Variants in IGFBPL1 observed in about 807,000 individuals in gnomAD.
IGFBPL1 encodes insulin like growth factor binding protein like 1, also known as insulin-like growth factor-binding protein-like 1.
In IGFBPL1, 20 loss-of-function variants were observed where a neutral mutation model predicts 23.9. That is an observed-to-expected ratio of 0.84 (90% CI 0.59 to 1.22). The LOEUF is 1.22. Among genes scored for constraint, IGFBPL1 ranks in the 50% most tolerant of loss-of-function variants. IGFBPL1 has a pLI of 0.00. For synonymous variants in IGFBPL1, 184 were observed against 171.8 expected, an observed-to-expected ratio of 1.07 and a Z score of -0.56; for missense variants, 436 against 379.3, an observed-to-expected ratio of 1.15 and a Z score of -1.24.
chr9:38,424,434 C>T lies in IGFBPL1; in HGVS notation c.-10G>A, dbSNP rs1335363417. The T allele has an allele frequency of 3.6e-6, 2 of 550,474 alleles. No homozygotes were observed. The highest frequency in any genetic ancestry group is 2.0e-5 in the African/African-American group (1 of 49,932). 34.1% of individuals were successfully genotyped at this position (550,474 alleles called of 1,614,324 possible). A position where few individuals can be genotyped will look rare whatever the true frequency, so the allele number is the denominator to read the frequency against. ...GAGACAAGCGCGGCATGGCTTGCTC[C>T]GGGACAGCGGCGGCGCCTCTGCTTC... is the stretch of plus-strand genomic sequence containing the variant. On this transcript the variant is annotated 5_prime_UTR_variant, in exon 1 of 5. Coordinates refer to ENST00000377694, the MANE Select transcript of IGFBPL1 (RefSeq NM_001007563.3).
At chr9:38,417,768 T>C (rs537056426) in intron 1 of IGFBPL1, among the ~76,000 whole-genome samples, 60 of 152,306 alleles carry the variant, frequency 3.9e-4, no homozygotes, top group African/African-American at 1.3e-3. Flanking sequence ...AAATGCTGTC[T>C]ACCAGAGAAG....
chr9:38,412,991 T>A (rs963235771), intron 3 of IGFBPL1, among the ~76,000 whole-genome samples: 8 of 152,212 alleles, frequency 5.3e-5, no homozygotes, highest in African/African-American at 1.9e-4. Context: ...CACCTTGCCA[T>A]GTAACATCGT....
Position 38,408,633 on chromosome 9 carries a change from C to T in IGFBPL1, c.*594G>A, listed in dbSNP as rs893175264. Among the ~76,000 whole-genome samples, 8 of 152,118 alleles carry T rather than the reference C, an allele frequency of 5.3e-5. No individual in the cohort carries two copies. Among genetic ancestry groups the T allele is most frequent in the African/African-American group, 1.9e-4 (8 of 41,428 alleles). On this transcript the variant is annotated 3_prime_UTR_variant, in exon 5 of 5. Coordinates refer to ENST00000377694, the MANE Select transcript of IGFBPL1 (RefSeq NM_001007563.3). ...ATGGAATTTGTTTCTGAGGGAATAC[C>T]ATTTTAGAAAGAACACTAAGACCAC... is the stretch of plus-strand genomic sequence containing the variant.
Position 38,424,363 on chromosome 9 carries a change from G to A in IGFBPL1, c.62C>T (p.Pro21Leu). 1.3e-6 allele frequency: 1 copy of A among 757,074 alleles called. No individual in the cohort carries two copies. The highest frequency in any genetic ancestry group is 2.1e-6 in the Non-Finnish European group (1 of 477,810). 46.9% of individuals were successfully genotyped at this position (757,074 alleles called of 1,614,324 possible). Residue 21 changes from proline (P) to leucine (L), a missense_variant, in exon 1 of 5, where the codon CCG becomes CTG. By Grantham distance (98) the Pro-to-Leu change is moderately conservative. Coordinates refer to ENST00000377694, the MANE Select transcript of IGFBPL1 (RefSeq NM_001007563.3). ...LLLLLLPLLP[P>L]LSPSLGIRDV... Reference sequence around the variant, plus strand: ...GCGGATCCCAAGGCTCGGGGACAGCGGCGGCAGCAGCGGCAGCAGCAGCAG... The same window carrying A: ...GCGGATCCCAAGGCTCGGGGACAGCAGCGGCAGCAGCGGCAGCAGCAGCAG...
At position 38,407,476 on chromosome 9, in the gene IGFBPL1, A is replaced by G. The variant is rs1173423844; in HGVS notation, c.*1751T>C. Among the ~76,000 whole-genome samples the G allele has an allele frequency of 6.6e-6, 1 of 152,210 alleles. No individual in the cohort carries two copies. The highest frequency in any genetic ancestry group is 1.9e-4 in the East Asian group (1 of 5,192). ...TGCCATCCCAATATATTAGACATGG[A>G]ATGGCAGGCTTACAGGCGGAAAGTT... On this transcript the variant is annotated 3_prime_UTR_variant, in exon 5 of 5. Transcript: ENST00000377694.
intron 4 of IGFBPL1, 145 bp downstream of exon 4, chr9:38,411,246 C>A: frequency 1.5e-6 from 1 of 650,904 alleles, no homozygotes. Context: ...TACTGCTCAT[C>A]TAAGTATGTC....
intron 1 of IGFBPL1, among the ~76,000 whole-genome samples, chr9:38,416,046 C>T (rs1326661374): frequency 2.0e-5 from 3 of 152,130 alleles, no homozygotes; most frequent in Non-Finnish European, 4.4e-5. Context: ...CTGAGCTCTC[C>T]GGCAGGAGCC....
At position 38,408,985 on chromosome 9, in the gene IGFBPL1, A is replaced by G. The variant is rs557250082; in HGVS notation, c.*242T>C. ...TCTCCCTGGAAGAGAATAATTACAA[A>G]AAGACTTCTCATGGAACAATTCATT... On this transcript the variant is annotated 3_prime_UTR_variant, in exon 5 of 5. Coordinates refer to ENST00000377694, the MANE Select transcript of IGFBPL1 (RefSeq NM_001007563.3). 5 of 152,236 alleles carry G rather than the reference A, an allele frequency of 3.3e-5. No individual in the cohort carries two copies. The highest frequency in any genetic ancestry group is 7.3e-5 in the Non-Finnish European group (5 of 68,050). 9.4% of individuals were successfully genotyped at this position (152,236 alleles called of 1,614,324 possible).
chr9:38,408,253 C>CA lies in IGFBPL1; in HGVS notation c.*973dup, dbSNP rs35229194. 0.13 allele frequency among the ~76,000 whole-genome samples: 9,278 copies of CA among 69,476 alleles called. 1,640 individuals are homozygous for CA. Among genetic ancestry groups the CA allele is most frequent in the Non-Finnish European group, 0.17 (5,862 of 35,430 alleles). 45.6% of individuals were successfully genotyped at this position (69,476 alleles called of 152,430 possible). The stretch of plus-strand genomic sequence containing the variant: ...GCAACATAGGGAGACCCTGTCTCTA[C>CA]AAAAAAAAAAAAAAAAAAAAAAAAA... On this transcript the variant is annotated 3_prime_UTR_variant, in exon 5 of 5. Transcript: ENST00000377694.
chr9:38,419,885 C>T (rs1419321583), intron 1 of IGFBPL1, among the ~76,000 whole-genome samples: 52 of 130,816 alleles, frequency 4.0e-4, no homozygotes, highest in African/African-American at 1.4e-3. Context: ...TCCTCCTCCT[C>T]CTCCTCCTTC....
rs765226034 is a variant in IGFBPL1 at position 38,423,980 on chromosome 9, C to G, written c.445G>C (p.Gly149Arg). 7.1e-7 allele frequency: 1 copy of G among 1,404,624 alleles called. No homozygotes were observed. Among genetic ancestry groups the G allele is most frequent in the Non-Finnish European group, 9.2e-7 (1 of 1,088,684 alleles). The allele number at this position is 1,404,624 out of a possible 1,614,324, so 87.0% of individuals were successfully genotyped here. The change falls in exon 1 of 5, where the codon GGC becomes CGC. Residue 149 changes from glycine (G) to arginine (R), a missense_variant. Transcript: ENST00000377694. ...CCTGACTCACCGAACTCGCAAGGGC[C>G]GTCGCGCGCCTTGTGCAGGTGACCG... ...HPGHLHKARDGPCEFAPVVVV... is the reference protein window; with the variant it reads ...HPGHLHKARDRPCEFAPVVVV...
chr9:38,407,088 C>T lies in IGFBPL1; in HGVS notation c.*2139G>A, dbSNP rs1821439186. Among the ~76,000 whole-genome samples the T allele has an allele frequency of 6.6e-6, 1 of 151,904 alleles. No individual in the cohort carries two copies. Among genetic ancestry groups the T allele is most frequent in the Non-Finnish European group, 1.5e-5 (1 of 68,020 alleles). ...ATTCAAGACACAGGAGAATTAACTG[C>T]AGGCCTTCACACATGGAAGTCAGTC... On this transcript the variant is annotated 3_prime_UTR_variant, in exon 5 of 5. Coordinates refer to ENST00000377694, the MANE Select transcript of IGFBPL1 (RefSeq NM_001007563.3).
At chr9:38,417,275 C>T (rs1587415606) in intron 1 of IGFBPL1, among the ~76,000 whole-genome samples, 2 of 152,292 alleles carry the variant, frequency 1.3e-5, no homozygotes, top group East Asian at 1.9e-4. Context: ...TCTTCTGAAC[C>T]ACTGTGCTAA....
intron 1 of IGFBPL1, among the ~76,000 whole-genome samples, chr9:38,423,422 T>C (rs1451223683): frequency 2.6e-5 from 4 of 152,130 alleles, no homozygotes; most frequent in Admixed American, 2.6e-4. Context: ...TTCTCCTGGA[T>C]GGAGCTCCCT....
At chr9:38,414,027 TCTTTCTCA>T in intron 2 of IGFBPL1, 59 bp downstream of exon 2, 1 of 487,986 alleles carries the variant, frequency 2.0e-6, no homozygotes, top group Admixed American at 3.8e-5. Context: ...TGTTTCTCCC[TCTTTCTCA>T]CACACACACA....
chr9:38,423,917 G>A, intron 1 of IGFBPL1, 48 bp downstream of exon 1: 1 of 1,323,626 alleles, frequency 7.6e-7, no homozygotes, highest in South Asian at 2.0e-5. Flanking sequence ...ACCCCAGAGG[G>A]TTGGAATCCC....
At chr9:38,414,849 C>A (rs1008176446) in intron 1 of IGFBPL1, among the ~76,000 whole-genome samples, 2 of 152,136 alleles carry the variant, frequency 1.3e-5, no homozygotes, top group African/African-American at 4.8e-5. Flanking sequence ...CAGAACATGA[C>A]GGAGAGGAGA....
At chr9:38,411,137 T>C (rs1031658708) in intron 4 of IGFBPL1, among the ~76,000 whole-genome samples, 5 of 151,872 alleles carry the variant, frequency 3.3e-5, no homozygotes, top group Admixed American at 2.6e-4. Flanking sequence ...AAAACACAAC[T>C]GGTCTTTTCA....
intron 3 of IGFBPL1, 123 bp downstream of exon 3, chr9:38,413,114 A>C: frequency 1.4e-6 from 1 of 691,048 alleles, no homozygotes; most frequent in Non-Finnish European, 2.5e-6. Flanking sequence ...CCTGCCTCAC[A>C]GTTACTGGAG....
Sources: gnomAD v4.1 joint callset for allele counts (sites outside exome capture counted in the v4.1 genomes callset) on GRCh38, gnomAD v4.1.1 for gene constraint, MANE v1.5 for transcripts, NCBI Gene and HGNC (gene_info 2026-07-23, HGNC 2026-07-21) for gene names.